Variants in BASP1 observed in about 807,000 individuals in gnomAD.
BASP1 encodes the protein brain abundant membrane attached signal protein 1, also known as brain acid soluble protein 1.
In BASP1, 1 loss-of-function variant was observed where a neutral mutation model predicts 2.2. That is an observed-to-expected ratio of 0.46 (90% confidence interval 0.16 to 2.17). BASP1 has a LOEUF of 2.17. Among genes scored for constraint, BASP1 ranks in the 30% most tolerant of loss-of-function variants. BASP1 has a pLI of 0.27. For synonymous variants in BASP1, 187 were observed against 154.2 expected (o/e 1.21, Z -1.58); for missense variants, 352 against 327.2 (o/e 1.08, Z -0.58).
chr5:17,219,014 T>TC (rs1436946233), intron 1 of BASP1, among the ~76,000 whole-genome samples: 2 of 151,780 alleles, frequency 1.3e-5, no homozygotes, highest in South Asian at 4.2e-4. Context: ...CACCTCTGTC[T>TC]CCCCCGCGGC....
At chr5:17,247,363 C>T (rs1478326192) in intron 1 of BASP1, among the ~76,000 whole-genome samples, 1 of 152,122 alleles carries the variant, frequency 6.6e-6, no homozygotes, top group Admixed American at 6.6e-5. Flanking sequence ...TGAGAAAATG[C>T]CCCATAGGTT....
intron 1 of BASP1, among the ~76,000 whole-genome samples, chr5:17,271,507 A>ATT (rs1394586070): frequency 1.3e-5 from 2 of 152,232 alleles, no homozygotes; most frequent in African/African-American, 4.8e-5. Context: ...ATAAACACAT[A>ATT]GAACTGAGGT....
chr5:17,265,631 T>C (rs957579203), intron 1 of BASP1, among the ~76,000 whole-genome samples: 1 of 152,232 alleles, frequency 6.6e-6, no homozygotes, highest in East Asian at 1.9e-4. Flanking sequence ...TTTTTCCTAC[T>C]TGATACTCCT....
chr5:17,265,453 A>G (rs1331602714), intron 1 of BASP1, among the ~76,000 whole-genome samples: 1 of 152,192 alleles, frequency 6.6e-6, no homozygotes, highest in Non-Finnish European at 1.5e-5. Context: ...TTAGCATTTC[A>G]TTACCCATAA....
intron 1 of BASP1, among the ~76,000 whole-genome samples, chr5:17,262,164 A>G (rs2126514980): frequency 1.3e-5 from 2 of 152,282 alleles, no homozygotes; most frequent in South Asian, 4.1e-4. Flanking sequence ...GGCAACCTTT[A>G]TAGATTTAGA....
intron 1 of BASP1, among the ~76,000 whole-genome samples, chr5:17,242,069 T>C (rs896139494): frequency 2.0e-5 from 3 of 152,180 alleles, no homozygotes; most frequent in African/African-American, 7.2e-5. Context: ...GCTTTCTTGA[T>C]TGGCTGAGGA....
In BASP1 at chr5:17,275,588, G is replaced by A; in HGVS notation, c.372G>A (p.Glu124=). The A allele has an allele frequency of 7.1e-7, 1 of 1,405,494 alleles. No individual in the cohort carries two copies. Among genetic ancestry groups the A allele is most frequent in the Non-Finnish European group, 9.2e-7 (1 of 1,083,772 alleles). The allele number at this position is 1,405,494 out of a possible 1,614,324, so 87.1% of individuals were successfully genotyped here. The change falls in exon 2 of 2, where the codon GAG becomes GAA. Residue 124 remains glutamate, a synonymous_variant. Transcript: ENST00000322611. This position sits in a 1 kb window ranked among gnomAD's most constrained non-coding sequence, Gnocchi z 5.3. ...GCGGCGAGGCCCCCAAAGCTGCTGA[G>A]GCCGCCGCGGCCCCGGCCGAGAGCG... ...AAGGEAPKAA[E]AAAAPAESAA...
Position 17,243,239 on chromosome 5 carries a change from T to C in BASP1, c.-10+25429T>C, listed in dbSNP as rs117788545. Among the ~76,000 whole-genome samples the C allele has an allele frequency of 2.6e-3, 394 of 152,086 alleles. 8 individuals carry two copies. The East Asian group carries it at 0.053, about 21-fold the overall frequency. ...TCTTGACTCACTGCAACCTCCACTT[T>C]CTGGGTTCAAGCAATTCTTGTGCCT... On this transcript the variant is annotated intron_variant, in intron 1 of 1. Coordinates refer to ENST00000322611, the MANE Select transcript of BASP1 (RefSeq NM_006317.5).
At chr5:17,239,839 G>A (rs1200375808) in intron 1 of BASP1, among the ~76,000 whole-genome samples, 6 of 152,158 alleles carry the variant, frequency 3.9e-5, no homozygotes, top group Non-Finnish European at 8.8e-5. Flanking sequence ...GCTGGTAACC[G>A]TTGTAATGAG....
Position 17,238,860 on chromosome 5 carries a change from C to T in BASP1, c.-10+21050C>T, listed in dbSNP as rs1010083803. ...TGTCAGTTATTAATCATCTGTTTTC[C>T]GTTCAACTTTGGTTATCTTCAGTAA... On this transcript the variant is annotated intron_variant, in intron 1 of 1. Coordinates refer to ENST00000322611, the MANE Select transcript of BASP1 (RefSeq NM_006317.5). Among the ~76,000 whole-genome samples, 10 of 152,108 alleles carry T rather than the reference C, an allele frequency of 6.6e-5. No homozygotes were observed. The South Asian group carries it at 8.3e-4, about 13-fold the overall frequency.
intron 1 of BASP1, among the ~76,000 whole-genome samples, chr5:17,229,939 C>G (rs1023373504): frequency 1.1e-4 from 17 of 151,870 alleles, no homozygotes; most frequent in African/African-American, 2.2e-4. Flanking sequence ...TGTGCCACCA[C>G]GCCCAGCTAA....
chr5:17,239,487 TA>T (rs1739816499), intron 1 of BASP1, among the ~76,000 whole-genome samples: 1 of 152,154 alleles, frequency 6.6e-6, no homozygotes, highest in South Asian at 2.1e-4. Flanking sequence ...AGTATCTAAA[TA>T]AAACAGATCA....
intron 1 of BASP1, among the ~76,000 whole-genome samples, chr5:17,218,254 C>A (rs1311337875): frequency 8.8e-6 from 1 of 114,152 alleles, no homozygotes; most frequent in Non-Finnish European, 1.7e-5. Context: ...GGGCGAGGGG[C>A]GCAGCAGCCA....
At chr5:17,219,511 T>C (rs1416424059) in intron 1 of BASP1, among the ~76,000 whole-genome samples, 1 of 152,250 alleles carries the variant, frequency 6.6e-6, no homozygotes, top group Non-Finnish European at 1.5e-5. Context: ...TTTTCCTTTC[T>C]AGTACTGTTC....
chr5:17,263,955 G>C (rs1740369443), intron 1 of BASP1, among the ~76,000 whole-genome samples: 1 of 152,158 alleles, frequency 6.6e-6, no homozygotes, highest in Non-Finnish European at 1.5e-5. Context: ...TATTAGAATT[G>C]CTAAATATGA....
At chr5:17,259,935 G>A (rs1740283930) in intron 1 of BASP1, among the ~76,000 whole-genome samples, 1 of 152,166 alleles carries the variant, frequency 6.6e-6, no homozygotes, top group Non-Finnish European at 1.5e-5. Context: ...TAGTTGTGGT[G>A]ATATGATCTA....
intron 1 of BASP1, among the ~76,000 whole-genome samples, chr5:17,238,269 C>G (rs1739788216): frequency 6.6e-6 from 1 of 151,720 alleles, no homozygotes; most frequent in African/African-American, 2.4e-5. Flanking sequence ...GGTCACTGTT[C>G]AGTCAATTCA....
At chr5:17,248,238 A>G (rs1740033757) in intron 1 of BASP1, among the ~76,000 whole-genome samples, 1 of 152,242 alleles carries the variant, frequency 6.6e-6, no homozygotes, top group Non-Finnish European at 1.5e-5. Context: ...AAACTGTGGA[A>G]ATTAAAGGAC....
rs544489195 is a variant in BASP1, at chr5:17,229,936, C to T, written c.-10+12126C>T. 2.0e-5 allele frequency among the ~76,000 whole-genome samples: 3 copies of T among 152,032 alleles called. No homozygotes were observed. In the South Asian group the frequency reaches 6.2e-4, roughly 32 times the overall value. On this transcript the variant is annotated intron_variant, in intron 1 of 1. Coordinates refer to ENST00000322611, the MANE Select transcript of BASP1 (RefSeq NM_006317.5). The stretch of plus-strand genomic sequence containing the variant: ...TAGCTGGGATTATAGGCGTGTGCCA[C>T]CACGCCCAGCTAATTTTTTTGTATT...
Sources: gnomAD v4.1 joint callset for allele counts (sites outside exome capture counted in the v4.1 genomes callset) on GRCh38, gnomAD v4.1.1 for gene constraint, Gnocchi (gnomAD v3.1) non-coding constraint, MANE v1.5 for transcripts, NCBI Gene and HGNC (gene_info 2026-07-23, HGNC 2026-07-21) for gene names.